Variants in CNBD1 observed in about 807,000 individuals in gnomAD.
CNBD1 encodes the protein cyclic nucleotide-binding domain-containing protein 1.
In CNBD1, 71 loss-of-function variants were observed where a neutral mutation model predicts 54.4. That is an observed-to-expected ratio of 1.30 (90% CI 1.08 to 1.59). The LOEUF (loss-of-function observed/expected upper bound fraction) is 1.59, where lower values mean the gene tolerates loss of function less well. Ranked by LOEUF, CNBD1 falls within the 40% of genes most tolerant of loss-of-function variation. The pLI, the probability that CNBD1 is intolerant of heterozygous loss-of-function variation, is 0.00. For synonymous variants in CNBD1, 182 were observed against 170.7 expected, an observed-to-expected ratio of 1.07 and a Z score of -0.51; for missense variants, 659 against 518.0, an observed-to-expected ratio of 1.27 and a Z score of -2.64.
intron 2 of CNBD1, among the ~76,000 whole-genome samples, chr8:87,405,488 C>A (rs1452107206): frequency 6.6e-6 from 1 of 152,016 alleles, no homozygotes; most frequent in African/African-American, 2.4e-5. Context: ...GATTTTGTTA[C>A]AAGATCACAC....
intron 1 of CNBD1, among the ~76,000 whole-genome samples, chr8:86,871,152 A>T (rs1808438623): frequency 1.3e-5 from 2 of 152,320 alleles, no homozygotes; most frequent in South Asian, 4.1e-4. Context: ...CTTAAATGTG[A>T]GCTTGATGGT....
intron 8 of CNBD1, among the ~76,000 whole-genome samples, chr8:87,321,803 C>CTTTTTTTT (rs765165524): frequency 1.1e-5 from 1 of 89,012 alleles, no homozygotes; most frequent in Non-Finnish European, 2.6e-5. Flanking sequence ...TTTTCTTTTT[C>CTTTTTTTT]TTTTTTTTTT....
At chr8:86,905,999 G>A (rs1193846615) in intron 3 of CNBD1, among the ~76,000 whole-genome samples, 1 of 152,064 alleles carries the variant, frequency 6.6e-6, no homozygotes, top group Non-Finnish European at 1.5e-5. Context: ...AACTTCTATT[G>A]CCATATCTGT....
At chr8:87,351,911 C>A (rs530362459) in intron 9 of CNBD1, 117 bp downstream of exon 9, 2 of 1,083,960 alleles carry the variant, frequency 1.8e-6, no homozygotes, top group Admixed American at 4.4e-5. Flanking sequence ...AATTTCTATT[C>A]AATTTTTTGA....
At chr8:87,315,965 GC>G (rs1157000673) in intron 8 of CNBD1, among the ~76,000 whole-genome samples, 1 of 151,820 alleles carries the variant, frequency 6.6e-6, no homozygotes, top group East Asian at 1.9e-4. Context: ...CACATGATGT[GC>G]CCCATGAATA....
rs892328573 is a variant in CNBD1 at position 87,157,796 on chromosome 8, T to G, written c.432-48197T>G. On this transcript the variant is annotated intron_variant, in intron 4 of 10. Coordinates refer to ENST00000518476, the MANE Select transcript of CNBD1 (RefSeq NM_173538.3). ...TAGCACATTTGCCTATTTTTTTCTT[T>G]TATTCAAAACAGTCTATTTAATTTC... Among the ~76,000 whole-genome samples, 27 of 152,176 alleles carry G rather than the reference T, an allele frequency of 1.8e-4. 1 individual carries two copies. The highest frequency in any genetic ancestry group is 2.9e-5 in the Non-Finnish European group (2 of 68,042).
intron 8 of CNBD1, among the ~76,000 whole-genome samples, chr8:87,302,723 A>G (rs1809035113): frequency 6.6e-6 from 1 of 151,950 alleles, no homozygotes; most frequent in Admixed American, 6.6e-5. Flanking sequence ...ACATGATTGT[A>G]TATTTAGAAA....
At chr8:87,241,268 A>ATTTATTT (rs1807696561) in intron 6 of CNBD1, among the ~76,000 whole-genome samples, 1 of 93,864 alleles carries the variant, frequency 1.1e-5, no homozygotes, top group African/African-American at 4.9e-5. Flanking sequence ...TATTTGGAAG[A>ATTTATTT]TTTTTTTTTT....
intron 5 of CNBD1, among the ~76,000 whole-genome samples, chr8:87,216,531 CTTATA>C (rs1311510414): frequency 6.6e-6 from 1 of 152,058 alleles, no homozygotes; most frequent in Non-Finnish European, 1.5e-5. Context: ...TCTATAATCT[CTTATA>C]TTAGAGTAAC....
intron 6 of CNBD1, among the ~76,000 whole-genome samples, chr8:87,271,857 A>T (rs1031380283): frequency 6.6e-6 from 1 of 151,416 alleles, no homozygotes; most frequent in Non-Finnish European, 1.5e-5. Context: ...AAGCAACCTA[A>T]GTGTCCATCA....
At chr8:87,365,968 T>A (rs924053232) in intron 10 of CNBD1, among the ~76,000 whole-genome samples, 1 of 152,054 alleles carries the variant, frequency 6.6e-6, no homozygotes, top group African/African-American at 2.4e-5. Flanking sequence ...TCTTAAGTCA[T>A]AAAATGTCCT....
At chr8:87,048,372 G>A (rs560342893) in intron 4 of CNBD1, among the ~76,000 whole-genome samples, 3 of 152,286 alleles carry the variant, frequency 2.0e-5, no homozygotes, top group African/African-American at 7.2e-5. Flanking sequence ...CAATTTGGAG[G>A]CAGTGCTTCT....
chr8:87,291,245 T>A (rs1424766825), intron 8 of CNBD1, among the ~76,000 whole-genome samples: 1 of 150,708 alleles, frequency 6.6e-6, no homozygotes, highest in Non-Finnish European at 1.5e-5. Context: ...TTTTATTAGT[T>A]CTTCTAGTGT....
intron 3 of CNBD1, among the ~76,000 whole-genome samples, chr8:86,920,145 G>C (rs1274310666): frequency 6.6e-6 from 1 of 152,126 alleles, no homozygotes; most frequent in African/African-American, 2.4e-5. Flanking sequence ...AGCTGTGTAT[G>C]ATCTTTGGTC....
intron 2 of CNBD1, among the ~76,000 whole-genome samples, chr8:87,421,349 G>A (rs1807932769): frequency 2.0e-5 from 3 of 151,010 alleles, no homozygotes; most frequent in Admixed American, 2.0e-4. Flanking sequence ...AGGTATACAT[G>A]TGCCATGCTG....
intron 4 of CNBD1, among the ~76,000 whole-genome samples, chr8:87,117,728 C>G (rs1811804108): frequency 6.6e-6 from 1 of 152,132 alleles, no homozygotes; most frequent in Non-Finnish European, 1.5e-5. Context: ...CCTTGGACAG[C>G]TAGCTAAAAG....
chr8:86,901,069 A>C (rs974153833), intron 2 of CNBD1, among the ~76,000 whole-genome samples: 1 of 152,200 alleles, frequency 6.6e-6, no homozygotes, highest in African/African-American at 2.4e-5. Context: ...AAGAGACTGA[A>C]TAGCATGAAA....
chr8:86,899,593 G>T (rs1454524619), intron 2 of CNBD1, among the ~76,000 whole-genome samples: 1 of 151,976 alleles, frequency 6.6e-6, no homozygotes, highest in African/African-American at 2.4e-5. Context: ...TTTTCATAAA[G>T]ATTTTATATA....
intron 4 of CNBD1, among the ~76,000 whole-genome samples, chr8:87,060,498 A>G (rs1810518533): frequency 6.6e-6 from 1 of 152,142 alleles, no homozygotes; most frequent in African/African-American, 2.4e-5. Flanking sequence ...TTAAGTATCC[A>G]CTCATGCCTG....
Sources: allele counts gnomAD v4.1 joint callset (sites outside exome capture counted in the v4.1 genomes callset), GRCh38; gene constraint gnomAD v4.1.1; transcripts MANE v1.5; gene names NCBI Gene and HGNC (gene_info 2026-07-23, HGNC 2026-07-21).